ANO3: variants seen among roughly 807,000 people sequenced by gnomAD.
ANO3 encodes the protein anoctamin-3.
In ANO3, 99 loss-of-function variants were observed where a neutral mutation model predicts 144.8. That is an observed-to-expected ratio of 0.68 (90% CI 0.58 to 0.81). The LOEUF (loss-of-function observed/expected upper bound fraction) is 0.81. Among genes scored for constraint, ANO3 ranks in the 30% least tolerant of loss-of-function variants. The pLI is 0.00. For missense variants in ANO3, 905 were observed against 1,202.2 expected (o/e 0.75, Z 3.66); for synonymous variants, 414 against 392.6 (o/e 1.05, Z -0.64).
At chr11:26,576,067 G>C (rs141033074) in intron 14 of ANO3, among the ~76,000 whole-genome samples, 56 of 152,266 alleles carry the variant, frequency 3.7e-4, no homozygotes, top group Middle Eastern at 3.4e-3. Flanking sequence ...TTCAGTGTTA[G>C]CACTCTGGGG....
Position 26,334,417 on chromosome 11 carries a change from GCAA to G in ANO3, c.46+2109_46+2111del, listed in dbSNP as rs1010122780. On this transcript the variant is annotated intron_variant, in intron 1 of 26. Transcript: ENST00000256737. ...AGATGTGATCTGTCCTAGGAGGTATGCAACAACAACAACAAAACATTCAGATGT... is the reference window on the plus strand; with the variant it reads ...AGATGTGATCTGTCCTAGGAGGTATGCAACAACAACAAAACATTCAGATGT... 2.1e-3 allele frequency among the ~76,000 whole-genome samples: 322 copies of G among 152,284 alleles called. 2 individuals carry two copies. Among genetic ancestry groups the G allele is most frequent in the African/African-American group, 7.3e-3 (305 of 41,584 alleles).
chr11:26,216,924 T>C (rs552079117), intron 1 of ANO3, among the ~76,000 whole-genome samples: 7 of 152,178 alleles, frequency 4.6e-5, no homozygotes, highest in Admixed American at 3.3e-4. Context: ...TGAGTTTTCT[T>C]ATTGTAGAGT....
At chr11:26,476,596 GT>G (rs1290292061) in intron 4 of ANO3, among the ~76,000 whole-genome samples, 1 of 152,024 alleles carries the variant, frequency 6.6e-6, no homozygotes, top group East Asian at 1.9e-4. Context: ...AAGTTTAAAG[GT>G]TTTTGGACGA....
intron 1 of ANO3, among the ~76,000 whole-genome samples, chr11:26,228,349 A>T (rs536036439): frequency 6.6e-6 from 1 of 152,336 alleles, no homozygotes; most frequent in South Asian, 2.1e-4. Flanking sequence ...GGACTGGCAC[A>T]TGGTGCCAGG....
At chr11:26,290,829 A>C (rs1319486182) in intron 1 of ANO3, among the ~76,000 whole-genome samples, 1 of 152,218 alleles carries the variant, frequency 6.6e-6, no homozygotes, top group Non-Finnish European at 1.5e-5. Flanking sequence ...TTTACTTCCA[A>C]CAATGTGGAC....
At chr11:26,380,241 T>C (rs1162981712) in intron 1 of ANO3, among the ~76,000 whole-genome samples, 1 of 152,220 alleles carries the variant, frequency 6.6e-6, no homozygotes, top group Non-Finnish European at 1.5e-5. Context: ...ACATAAGTGC[T>C]AGTTATTATT....
At chr11:26,192,207 A>G (rs1305290292) in intron 1 of ANO3, among the ~76,000 whole-genome samples, 2 of 152,204 alleles carry the variant, frequency 1.3e-5, no homozygotes, top group African/African-American at 4.8e-5. Flanking sequence ...TTTATGGAAC[A>G]TTGAACTTTC....
chr11:26,451,952 C>A (rs1472750893), intron 3 of ANO3, among the ~76,000 whole-genome samples: 3 of 152,150 alleles, frequency 2.0e-5, no homozygotes, highest in South Asian at 2.1e-4. Flanking sequence ...TCTGCAGACA[C>A]CGCTGCTGAT....
At chr11:26,496,550 T>C in intron 4 of ANO3, among the ~76,000 whole-genome samples, 1 of 152,176 alleles carries the variant, frequency 6.6e-6, no homozygotes, top group Non-Finnish European at 1.5e-5. Flanking sequence ...TTTGTTTTTA[T>C]AGATTTAGGA....
At chr11:26,309,672 G>C (rs1310113402) in exon 1 of ANO3, 4 of 985,152 alleles carry the variant, frequency 4.1e-6, no homozygotes, top group African/African-American at 1.7e-5. Context: ...TTTTCTCATC[G>C]TGAGCTTGAG....
chr11:26,437,402 G>A (rs1858333654), intron 1 of ANO3, among the ~76,000 whole-genome samples: 1 of 152,204 alleles, frequency 6.6e-6, no homozygotes. Context: ...TGAGAGAAGA[G>A]TGGGTCCCCA....
intron 1 of ANO3, among the ~76,000 whole-genome samples, chr11:26,422,771 T>C (rs11029548): frequency 0.18 from 27,142 of 151,488 alleles, 3,964 homozygotes; most frequent in African/African-American, 0.41. Flanking sequence ...GCTGTGGGGG[T>C]AATTTTAGTC....
intron 1 of ANO3, among the ~76,000 whole-genome samples, chr11:26,240,075 T>A (rs1216228250): frequency 6.6e-6 from 1 of 152,180 alleles, no homozygotes; most frequent in African/African-American, 2.4e-5. Flanking sequence ...TGGGGCAAAT[T>A]ACTTAACTCC....
intron 13 of ANO3, among the ~76,000 whole-genome samples, chr11:26,553,696 A>G (rs1006329572): frequency 1.3e-5 from 2 of 152,154 alleles, no homozygotes; most frequent in African/African-American, 4.8e-5. Context: ...AAATACTTCT[A>G]TCGGTACGGA....
At chr11:26,286,803 A>G (rs1853818247) in intron 1 of ANO3, among the ~76,000 whole-genome samples, 1 of 152,178 alleles carries the variant, frequency 6.6e-6, no homozygotes, top group Admixed American at 6.5e-5. Flanking sequence ...TTGTTACTGG[A>G]TGGTACAGAA....
chr11:26,598,844 C>A lies in ANO3; in HGVS notation c.1531-14C>A, dbSNP rs769240100. The A allele has an allele frequency of 1.9e-6, 3 of 1,605,744 alleles. No individual in the cohort carries two copies. The highest frequency in any genetic ancestry group is 2.2e-5 in the South Asian group (2 of 89,534). Reference sequence around the variant, plus strand: ...ATGGCTTTGATATTTAGATAACTTTCGTTTCTCTCATAGGAAACACTTCGT... The same window carrying A: ...ATGGCTTTGATATTTAGATAACTTTAGTTTCTCTCATAGGAAACACTTCGT... On this transcript the variant is annotated splice_polypyrimidine_tract_variant and intron_variant, in intron 15 of 26. Transcript: ENST00000256737.
At position 26,443,821 on chromosome 11, in the gene ANO3, A is replaced by G. The variant is rs767798038; in HGVS notation, c.298A>G (p.Ser100Gly). 1 of 1,611,984 alleles carries G rather than the reference A, an allele frequency of 6.2e-7. No individual in the cohort carries two copies. Among genetic ancestry groups the G allele is most frequent in the South Asian group, 1.1e-5 (1 of 90,624 alleles). Residue 100 changes from serine (S) to glycine (G), a missense_variant, in exon 3 of 27, where the codon AGC (serine) becomes GGC (glycine). Physicochemically the swap from Ser to Gly is moderately conservative, Grantham distance 56 (BLOSUM62 0). Coordinates refer to ENST00000256737, the MANE Select transcript of ANO3 (RefSeq NM_031418.4). ...SVLRCSFADLSDFCLALGKDK... is the reference protein window; with the variant it reads ...SVLRCSFADLGDFCLALGKDK... ...GCTGAGATGTTCATTTGCTGACCTC[A>G]GCGATTTTTGTTTGGGTAAGTTGAT...
intron 3 of ANO3, among the ~76,000 whole-genome samples, chr11:26,456,570 AAAC>A (rs1565036258): frequency 7.5e-6 from 1 of 133,774 alleles, no homozygotes; most frequent in Admixed American, 7.1e-5. Context: ...AAAAGTCAGG[AAAC>A]AACAGGTGCT....
intron 7 of ANO3, among the ~76,000 whole-genome samples, chr11:26,530,459 G>GTCTATCTA (rs543380394): frequency 0.017 from 2,147 of 124,038 alleles, 39 homozygotes; most frequent in African/African-American, 0.047. Context: ...CTATCTGTCT[G>GTCTATCTA]TCTATCTATC....
Sources: gnomAD v4.1 joint callset for allele counts (sites outside exome capture counted in the v4.1 genomes callset) on GRCh38, gnomAD v4.1.1 for gene constraint, MANE v1.5 for transcripts, NCBI Gene and HGNC (gene_info 2026-07-23, HGNC 2026-07-21) for gene names.